Variants in BRSK1 observed in about 807,000 individuals in gnomAD.
The protein encoded by BRSK1 is BR serine/threonine kinase 1.
A neutral mutation model predicts 86.2 loss-of-function variants in BRSK1; 17 were observed. That is an observed-to-expected ratio of 0.20 (90% CI 0.14 to 0.30). The LOEUF is 0.30. BRSK1 is among the 10% of genes least tolerant of loss of function. The probability of loss-of-function intolerance (pLI) is 1.00; values close to 1 mark genes in which losing one functional copy is unlikely to be tolerated. For missense variants in BRSK1, 719 were observed against 1,071.9 expected (o/e 0.67, Z 4.60); for synonymous variants, 464 against 440.1 (o/e 1.05, Z -0.68).
intron 1 of BRSK1, among the ~76,000 whole-genome samples, chr19:55,285,458 C>G (rs571644948): frequency 6.6e-6 from 1 of 152,060 alleles, no homozygotes; most frequent in Non-Finnish European, 1.5e-5. Flanking sequence ...AGCTGCAGAC[C>G]GGGGTGCAGT....
rs776591417 is a variant in BRSK1, at chr19:55,301,668, G to A, written c.825+10G>A. Reference sequence around the variant, plus strand: ...CGAAAAAAGGCTCAGTGTGAGTTGAGGGGGGGACCGGCGGAGGGGGGAACA... The same window carrying A: ...CGAAAAAAGGCTCAGTGTGAGTTGAAGGGGGGACCGGCGGAGGGGGGAACA... On this transcript the variant is annotated intron_variant, in intron 8 of 18. Transcript: ENST00000309383. 7.5e-6 allele frequency: 12 copies of A among 1,609,132 alleles called. No individual in the cohort carries two copies. The highest frequency in any genetic ancestry group is 1.0e-5 in the Non-Finnish European group (12 of 1,177,786).
At chr19:55,286,057 G>A (rs1423736142) in intron 1 of BRSK1, among the ~76,000 whole-genome samples, 2 of 116,628 alleles carry the variant, frequency 1.7e-5, no homozygotes, top group Admixed American at 8.7e-5. Context: ...CTGGAGTGCT[G>A]GGTCTGAGGG....
At chr19:55,305,255 G>C in intron 14 of BRSK1, 66 bp from the exon 15 acceptor site, 3 of 1,591,710 alleles carry the variant, frequency 1.9e-6, no homozygotes, top group East Asian at 2.3e-5. Context: ...GCGAGTGCAG[G>C]CCTGTGTGCT....
intron 7 of BRSK1, among the ~76,000 whole-genome samples, chr19:55,295,695 C>T (rs2088476432): frequency 6.6e-6 from 1 of 152,144 alleles, no homozygotes; most frequent in African/African-American, 2.4e-5. Flanking sequence ...AGGCCGGGCA[C>T]GGAGGCTCAC....
chr19:55,296,457 G>A (rs528774583), intron 7 of BRSK1, among the ~76,000 whole-genome samples: 3 of 152,234 alleles, frequency 2.0e-5, no homozygotes, highest in African/African-American at 7.2e-5. Flanking sequence ...CAGCACTTTG[G>A]GAGGCCAAGG....
At chr19:55,289,843 A>G (rs1473379420) in intron 4 of BRSK1, among the ~76,000 whole-genome samples, 1 of 152,106 alleles carries the variant, frequency 6.6e-6, no homozygotes, top group African/African-American at 2.4e-5. Flanking sequence ...GAATTTTAGA[A>G]CATTTTCTCA....
Position 55,284,325 on chromosome 19 carries a change from AGGT to A in BRSK1, c.-115_-113del. ...CCCAGCCCCCTGGGGACCCCCGGAG[AGGT>A]GGGGGGCAGCCGGGGGGGCCGGGAC... is the stretch of plus-strand genomic sequence containing the variant. On this transcript the variant is annotated 5_prime_UTR_variant, in exon 1 of 19. Transcript: ENST00000309383. The A allele has an allele frequency of 2.5e-6, 2 of 813,834 alleles. No homozygotes were observed. Among genetic ancestry groups the A allele is most frequent in the Non-Finnish European group, 3.3e-6 (2 of 611,262 alleles). The allele number at this position is 813,834 out of a possible 1,614,324, so 50.4% of individuals were successfully genotyped here.
Position 55,301,509 on chromosome 19 carries a change from C to T in BRSK1, c.679-3C>T, listed in dbSNP as rs777718121. 1 of 1,613,418 alleles carries T rather than the reference C, an allele frequency of 6.2e-7. No homozygotes were observed. The highest frequency in any genetic ancestry group is 8.5e-7 in the Non-Finnish European group (1 of 1,179,812). ...TGAGGGGTCCTGGTTATCTCTTGCC[C>T]AGGGGGCTCTGCCCTTTGATGACGA... On this transcript the variant is annotated splice_region_variant and splice_polypyrimidine_tract_variant and intron_variant, in intron 7 of 18. Transcript: ENST00000309383.
rs1451636136 is a variant in BRSK1, at chr19:55,287,809, G to A, written c.317+510G>A. On this transcript the variant is annotated intron_variant, in intron 3 of 18. Coordinates refer to ENST00000309383, the MANE Select transcript of BRSK1 (RefSeq NM_032430.2). This position sits in a 1 kb window ranked among gnomAD's most constrained non-coding sequence, Gnocchi z 5.3. ...GTCACTATCTCAAAGTCAATCACCC[G>A]CCAGGAAGGATGGGGGTGGGGGTCC... is the stretch of plus-strand genomic sequence containing the variant. Among the ~76,000 whole-genome samples the A allele has an allele frequency of 1.3e-5, 2 of 152,186 alleles. No homozygotes were observed. The highest frequency in any genetic ancestry group is 3.9e-4 in the East Asian group (2 of 5,190).
At chr19:55,297,854 G>A (rs953872476) in intron 7 of BRSK1, among the ~76,000 whole-genome samples, 3 of 151,822 alleles carry the variant, frequency 2.0e-5, no homozygotes, top group Admixed American at 6.6e-5. Context: ...CGCTCTTGTC[G>A]CCCAGGCTGG....
chr19:55,288,827 C>T (rs1476100588), intron 3 of BRSK1, among the ~76,000 whole-genome samples: 1 of 152,088 alleles, frequency 6.6e-6, no homozygotes, highest in Non-Finnish European at 1.5e-5. Flanking sequence ...TCAAGTGATC[C>T]ACCCACTTCG....
At position 55,302,095 on chromosome 19, in the gene BRSK1, A is replaced by G. The variant is rs1600185527; in HGVS notation, c.826-42A>G. ...TTTCATTGCGCGCCTACATGTGCCT[A>G]CGACCTCACTTCTGCTTCTCTACGA... On this transcript the variant is annotated intron_variant, in intron 8 of 18. Transcript: ENST00000309383. The surrounding 1 kb of genome is among the most constrained non-coding windows in gnomAD (Gnocchi z 6.3). 1 of 1,613,450 alleles carries G rather than the reference A, an allele frequency of 6.2e-7. No homozygotes were observed. Among genetic ancestry groups the G allele is most frequent in the East Asian group, 2.2e-5 (1 of 44,880 alleles).
chr19:55,298,759 A>G (rs1182870537), intron 7 of BRSK1, among the ~76,000 whole-genome samples: 1 of 152,094 alleles, frequency 6.6e-6, no homozygotes, highest in African/African-American at 2.4e-5. Context: ...TGTTGGTGGC[A>G]ATTTCGTTGT....
chr19:55,284,863 G>A (rs1408665818), intron 1 of BRSK1, among the ~76,000 whole-genome samples: 1 of 149,074 alleles, frequency 6.7e-6, no homozygotes, highest in African/African-American at 2.5e-5. Context: ...TGGGGGCCTG[G>A]ACTCCTGGGT....
At chr19:55,286,662 G>A (rs1181096186) in intron 1 of BRSK1, among the ~76,000 whole-genome samples, 1 of 150,812 alleles carries the variant, frequency 6.6e-6, no homozygotes, top group Non-Finnish European at 1.5e-5. Flanking sequence ...GTGGGGGGGC[G>A]GGGGCTTGGA....
Position 55,287,447 on chromosome 19 carries a change from C to A in BRSK1, c.317+148C>A. ...TGAAGGCCCAGTTCCTTGCCTGTTGCACAGGGAAGCCCCTGACACACAGGG... is the reference window on the plus strand; with the variant it reads ...TGAAGGCCCAGTTCCTTGCCTGTTGAACAGGGAAGCCCCTGACACACAGGG... On this transcript the variant is annotated intron_variant, in intron 3 of 18. Transcript: ENST00000309383. This position sits in a 1 kb window ranked among gnomAD's most constrained non-coding sequence, Gnocchi z 5.3. The A allele has an allele frequency of 4.1e-6, 3 of 724,852 alleles. No individual in the cohort carries two copies. Among genetic ancestry groups the A allele is most frequent in the Non-Finnish European group, 4.7e-6 (2 of 429,968 alleles). 44.9% of individuals were successfully genotyped at this position (724,852 alleles called of 1,614,324 possible). A position where few individuals can be genotyped will look rare whatever the true frequency, so the allele number is the denominator to read the frequency against.
rs1305087528 is a variant in BRSK1 at position 55,302,059 on chromosome 19, C to T, written c.826-78C>T. On this transcript the variant is annotated intron_variant, in intron 8 of 18. Transcript: ENST00000309383. The surrounding 1 kb of genome is among the most constrained non-coding windows in gnomAD (Gnocchi z 6.3). ...GGGGAGATGATCAGGGACCCCAAAACCACCCCAGTCTTTCATTGCGCGCCT... is the reference window on the plus strand; with the variant it reads ...GGGGAGATGATCAGGGACCCCAAAATCACCCCAGTCTTTCATTGCGCGCCT... 2 of 1,552,534 alleles carry T rather than the reference C, an allele frequency of 1.3e-6. No individual in the cohort carries two copies. Among genetic ancestry groups the T allele is most frequent in the Non-Finnish European group, 1.8e-6 (2 of 1,124,254 alleles).
chr19:55,285,793 C>T (rs2088301119), intron 1 of BRSK1, among the ~76,000 whole-genome samples: 1 of 152,118 alleles, frequency 6.6e-6, no homozygotes, highest in African/African-American at 2.4e-5. Flanking sequence ...AGGGCCAGAG[C>T]TGGCAGGAGT....
intron 4 of BRSK1, among the ~76,000 whole-genome samples, chr19:55,293,501 CAATAAATAAATA>C (rs547605694): frequency 2.7e-5 from 4 of 148,444 alleles, no homozygotes; most frequent in Admixed American, 6.7e-5. Flanking sequence ...GACTCCATCT[CAATAAATAAATA>C]AATAAATAAA....
Sources: gnomAD v4.1 joint callset for allele counts (sites outside exome capture counted in the v4.1 genomes callset) on GRCh38, gnomAD v4.1.1 for gene constraint, Gnocchi (gnomAD v3.1) non-coding constraint, MANE v1.5 for transcripts, NCBI Gene and HGNC (gene_info 2026-07-23, HGNC 2026-07-21) for gene names.